Variants in POLR2L observed in about 807,000 individuals in gnomAD.
POLR2L encodes the protein DNA-directed RNA polymerases I, II, and III subunit RPABC5.
In POLR2L, 7 loss-of-function variants were observed where a neutral mutation model predicts 6.8. That is an observed-to-expected ratio of 1.03 (90% CI 0.59 to 1.94). POLR2L has a LOEUF of 1.94. Among genes scored for constraint, POLR2L ranks in the 30% most tolerant of loss-of-function variants. POLR2L has a pLI of 0.00. For missense variants in POLR2L, 93 were observed against 86.7 expected (o/e 1.07, Z -0.29); for synonymous variants, 59 against 39.8 (o/e 1.48, Z -1.82).
chr11:841,201 G>A (rs1270585727), intron 1 of POLR2L, among the ~76,000 whole-genome samples: 1 of 152,210 alleles, frequency 6.6e-6, no homozygotes, highest in African/African-American at 2.4e-5. Context: ...CAGCCCACTC[G>A]CTTTCCTCGT....
chr11:841,384 C>A (rs927954961), intron 1 of POLR2L, among the ~76,000 whole-genome samples: 1 of 152,192 alleles, frequency 6.6e-6, no homozygotes, highest in Admixed American at 6.5e-5. Context: ...GACGCCTCCC[C>A]TACAAAGCCT....
rs776932513 is a variant in POLR2L, at chr11:840,324, C to T, written c.*48G>A. On this transcript the variant is annotated 3_prime_UTR_variant, in exon 2 of 2. Transcript: ENST00000322028. ...TCAGCCTCGTGAATTCGGGGCAGGA[C>T]GCTCAGGGCCCATGGTCAGCACAGC... 20 of 1,251,626 alleles carry T rather than the reference C, an allele frequency of 1.6e-5. No individual in the cohort carries two copies. The highest frequency in any genetic ancestry group is 6.5e-5 in the South Asian group (5 of 76,642). The allele number at this position is 1,251,626 out of a possible 1,614,324, so 77.5% of individuals were successfully genotyped here.
chr11:842,486 A>G lies in POLR2L; in HGVS notation c.23T>C (p.Phe8Ser). 6.3e-7 allele frequency: 1 copy of G among 1,595,828 alleles called. No homozygotes were observed. Among genetic ancestry groups the G allele is most frequent in the South Asian group, 1.1e-5 (1 of 89,132 alleles). Residue 8 changes from phenylalanine to serine, a missense_variant, in exon 1 of 2, where the codon TTC (phenylalanine) becomes TCC (serine). By Grantham distance (155) the Phe-to-Ser change is radical. Transcript: ENST00000322028. ...GTTGCCGACGATCTTGCCACAAGTGAAGCAGCGTACAGGGATGATCATGGC... is the reference window on the plus strand; with the variant it reads ...GTTGCCGACGATCTTGCCACAAGTGGAGCAGCGTACAGGGATGATCATGGC... MIIPVRC[F>S]TCGKIVGNKW...
rs1380113942 is a variant in POLR2L at position 840,061 on chromosome 11, C to T, written c.*311G>A. ...CCGAGATGGAAGGCTCTCCTGGCAG[C>T]GCCTCCTGCAGGGGTGCCTGTGGAA... On this transcript the variant is annotated 3_prime_UTR_variant, in exon 2 of 2. Coordinates refer to ENST00000322028, the MANE Select transcript of POLR2L (RefSeq NM_021128.5). 3.7e-6 allele frequency: 1 copy of T among 267,876 alleles called. No individual in the cohort carries two copies. Among genetic ancestry groups the T allele is most frequent in the Non-Finnish European group, 7.1e-6 (1 of 141,354 alleles). The allele number at this position is 267,876 out of a possible 1,614,324, so 16.6% of individuals were successfully genotyped here.
rs980295222 is a variant in POLR2L, at chr11:840,496, G to A, written c.96-16C>T. ...CAGCGCATCCCTGTGTCGAGGGGAG[G>A]AGCAGAGGCCAACTGAGTTCTCTAC... On this transcript the variant is annotated splice_polypyrimidine_tract_variant and intron_variant, in intron 1 of 1. Coordinates refer to ENST00000322028, the MANE Select transcript of POLR2L (RefSeq NM_021128.5). 11 of 1,553,342 alleles carry A rather than the reference G, an allele frequency of 7.1e-6. No individual in the cohort carries two copies. Among genetic ancestry groups the A allele is most frequent in the South Asian group, 5.5e-5 (5 of 90,144 alleles).
chr11:840,380 C>T lies in POLR2L; in HGVS notation c.196G>A (p.Glu66Lys), dbSNP rs1183852555. The T allele has an allele frequency of 6.2e-7, 1 of 1,604,144 alleles. No homozygotes were observed. The highest frequency in any genetic ancestry group is 2.2e-5 in the East Asian group (1 of 44,656). The change falls in exon 2 of 2, where the codon GAG becomes AAG. Residue 66 changes from glutamate to lysine, a missense_variant. Glu to Lys is a moderately conservative substitution (Grantham distance 56, BLOSUM62 1). Transcript: ENST00000322028. ...IEKLLNYAPL[E>K]K ...GGTGGGTTCCAGCGTGGTCACTTCT[C>T]CAGGGGTGCATAATTGAGCAGCTTC...
Position 842,491 on chromosome 11 carries a change from G to C in POLR2L, c.18C>G (p.Arg6=). 6.3e-7 allele frequency: 1 copy of C among 1,595,352 alleles called. No individual in the cohort carries two copies. Among genetic ancestry groups the C allele is most frequent in the Admixed American group, 1.7e-5 (1 of 58,138 alleles). Residue 6 remains arginine (R), a synonymous_variant, in exon 1 of 2, where the codon CGC becomes CGG. Transcript: ENST00000322028. MIIPV[R]CFTCGKIVGN... ...CGACGATCTTGCCACAAGTGAAGCA[G>C]CGTACAGGGATGATCATGGCGGCGG...
intron 1 of POLR2L, among the ~76,000 whole-genome samples, chr11:841,560 C>T (rs1388931155): frequency 1.3e-5 from 2 of 152,182 alleles, no homozygotes; most frequent in African/African-American, 4.8e-5. Context: ...GTCTCAGCCT[C>T]CCAAGTAGCT....
upstream of POLR2L, chr11:842,529 T>TGCCCGGCCCG (rs569042241): frequency 1.3e-6 from 2 of 1,552,584 alleles, no homozygotes; most frequent in African/African-American, 2.9e-5. Flanking sequence ...CGTCCCAGAC[T>TGCCCGGCCCG]GCCCGGCCCG....
At chr11:841,984 G>C (rs887339057) in intron 1 of POLR2L, among the ~76,000 whole-genome samples, 1 of 152,240 alleles carries the variant, frequency 6.6e-6, no homozygotes, top group South Asian at 2.1e-4. Context: ...CTGGGCTCAA[G>C]CAAGCCTCTC....
At chr11:841,769 C>T (rs1476685933) in intron 1 of POLR2L, among the ~76,000 whole-genome samples, 1 of 152,076 alleles carries the variant, frequency 6.6e-6, no homozygotes, top group Non-Finnish European at 1.5e-5. Context: ...CGTGGTGGCA[C>T]ACGCCTGTAG....
At position 840,445 on chromosome 11, in the gene POLR2L, C is replaced by G; in HGVS notation, c.131G>C (p.Cys44Ser). 6.2e-7 allele frequency: 1 copy of G among 1,612,038 alleles called. No individual in the cohort carries two copies. Among genetic ancestry groups the G allele is most frequent in the South Asian group, 1.1e-5 (1 of 91,068 alleles). Residue 44 changes from cysteine to serine, a missense_variant, in exon 2 of 2, where the codon TGC (cysteine) becomes TCC (serine). Coordinates refer to ENST00000322028, the MANE Select transcript of POLR2L (RefSeq NM_021128.5). Reference protein sequence around the residue: ...ALDALGLKRYCCRRMLLAHVD... With the variant: ...ALDALGLKRYSCRRMLLAHVD... Reference sequence around the variant, plus strand: ...GTGGGCCAGCAGCATCCGGCGGCAGCAGTAGCGCTTCAGGCCCAGGGCATC... The same window carrying G: ...GTGGGCCAGCAGCATCCGGCGGCAGGAGTAGCGCTTCAGGCCCAGGGCATC...
At position 840,166 on chromosome 11, in the gene POLR2L, C is replaced by A. The variant is rs1013331820; in HGVS notation, c.*206G>T. 8.8e-5 allele frequency: 46 copies of A among 520,846 alleles called. 1 individual carries two copies. In the South Asian group the frequency reaches 1.1e-3, roughly 12 times the overall value. 32.3% of individuals were successfully genotyped at this position (520,846 alleles called of 1,614,324 possible). A position where few individuals can be genotyped will look rare whatever the true frequency, so the allele number is the denominator to read the frequency against. On this transcript the variant is annotated 3_prime_UTR_variant, in exon 2 of 2. Transcript: ENST00000322028. ...CCACAGTGTGAAAGCTGGGCCTAGA[C>A]CTGGCTCCTGACATCCTAGTGAGGG... is the stretch of plus-strand genomic sequence containing the variant.
rs1846923964 is a variant in POLR2L, at chr11:840,204, T to C, written c.*168A>G. On this transcript the variant is annotated 3_prime_UTR_variant, in exon 2 of 2. Coordinates refer to ENST00000322028, the MANE Select transcript of POLR2L (RefSeq NM_021128.5). ...ATCCTAGTGAGGGCTGGGACCTTAG[T>C]GGTTCTGAAAGACCTTTACTGGATG... 3 of 597,072 alleles carry C rather than the reference T, an allele frequency of 5.0e-6. No homozygotes were observed. Among genetic ancestry groups the C allele is most frequent in the South Asian group, 1.9e-5 (1 of 51,586 alleles). 37.0% of individuals were successfully genotyped at this position (597,072 alleles called of 1,614,324 possible).
Position 842,489 on chromosome 11 carries a change from C to G in POLR2L, c.20G>C (p.Cys7Ser), listed in dbSNP as rs370588899. 1.3e-6 allele frequency: 2 copies of G among 1,595,870 alleles called. No homozygotes were observed. The highest frequency in any genetic ancestry group is 1.7e-6 in the Non-Finnish European group (2 of 1,172,842). The change falls in exon 1 of 2, where the codon TGC becomes TCC. Residue 7 changes from cysteine to serine, a missense_variant. Physicochemically the swap from Cys to Ser is moderately radical, Grantham distance 112. Transcript: ENST00000322028. ...GCCGACGATCTTGCCACAAGTGAAG[C>G]AGCGTACAGGGATGATCATGGCGGC... The part of the protein sequence containing the change: MIIPVR[C>S]FTCGKIVGNK...
At chr11:842,237 C>T (rs1846991379) in intron 1 of POLR2L, among the ~76,000 whole-genome samples, 177 bp downstream of exon 1, 2 of 152,226 alleles carry the variant, frequency 1.3e-5, no homozygotes, top group African/African-American at 4.8e-5. Flanking sequence ...TAAGGTTCTC[C>T]CGAAAGCAGA....
At chr11:841,875 G>A (rs1432640648) in intron 1 of POLR2L, among the ~76,000 whole-genome samples, 2 of 152,174 alleles carry the variant, frequency 1.3e-5, no homozygotes, top group African/African-American at 4.8e-5. Context: ...CTCCAACCTG[G>A]GCGACGGAGC....
At chr11:842,338 C>G in intron 1 of POLR2L, 76 bp downstream of exon 1, 2 of 1,112,586 alleles carry the variant, frequency 1.8e-6, no homozygotes, top group Non-Finnish European at 2.4e-6. Context: ...GGCGCGCACC[C>G]CAGGGCGGAC....
rs777661383 is a variant in POLR2L at position 842,465 on chromosome 11, C to T, written c.44G>A (p.Gly15Asp). 3 of 1,597,468 alleles carry T rather than the reference C, an allele frequency of 1.9e-6. No individual in the cohort carries two copies. The highest frequency in any genetic ancestry group is 4.7e-5 in the East Asian group (2 of 42,900). The change falls in exon 1 of 2, where the codon GGC (glycine) becomes GAC (aspartate). Residue 15 changes from glycine to aspartate, a missense_variant. Gly to Asp is a moderately conservative substitution (Grantham distance 94). Transcript: ENST00000322028. ...CCCCAGGTAAGCCTCCCACTTGTTGCCGACGATCTTGCCACAAGTGAAGCA... is the reference window on the plus strand; with the variant it reads ...CCCCAGGTAAGCCTCCCACTTGTTGTCGACGATCTTGCCACAAGTGAAGCA... ...VRCFTCGKIV[G>D]NKWEAYLGLL...
Sources: allele counts gnomAD v4.1 joint callset (sites outside exome capture counted in the v4.1 genomes callset), GRCh38; gene constraint gnomAD v4.1.1; transcripts MANE v1.5; gene names NCBI Gene and HGNC (gene_info 2026-07-23, HGNC 2026-07-21).